Variants in ALDH18A1 observed in about 807,000 individuals in gnomAD.
ALDH18A1 encodes aldehyde dehydrogenase 18 family member A1.
ALDH18A1 carries 44 observed loss-of-function variants against 88.8 expected under a neutral mutation model. That is an observed-to-expected ratio of 0.50 (90% CI 0.39 to 0.64). ALDH18A1 has a LOEUF of 0.64. Ranked by LOEUF, ALDH18A1 falls within the 30% of genes least tolerant of loss-of-function variation. ALDH18A1 has a pLI of 0.00. For missense variants in ALDH18A1, 782 were observed against 1,009.5 expected, an observed-to-expected ratio of 0.77 and a Z score of 3.05; for synonymous variants, 331 against 372.1, an observed-to-expected ratio of 0.89 and a Z score of 1.27.
At chr10:95,609,207 A>T (rs1367876053) in intron 17 of ALDH18A1, among the ~76,000 whole-genome samples, 2 of 152,154 alleles carry the variant, frequency 1.3e-5, no homozygotes, top group African/African-American at 4.8e-5. Flanking sequence ...CCTGAAAACG[A>T]GAGACTGTCC....
In ALDH18A1 at chr10:95,633,558, G is replaced by C; in HGVS notation, c.650C>G (p.Pro217Arg). ...LHELLRMNIV[P>R]IVNTNDAVVP... is the part of the protein sequence containing the mutation. Reference sequence around the variant, plus strand: ...AACAGCATCATTTGTGTTGACAATGGGGACAATGTTCATTCTAAGGAGTTC... The same window carrying C: ...AACAGCATCATTTGTGTTGACAATGCGGACAATGTTCATTCTAAGGAGTTC... Residue 217 changes from proline to arginine, a missense_variant, in exon 6 of 18, where the codon CCC (proline) becomes CGC (arginine). This residue lies in a region of ALDH18A1 where 132 missense variants were observed against 255.5 expected (regional missense o/e 0.52). Coordinates refer to ENST00000371224, the MANE Select transcript of ALDH18A1 (RefSeq NM_002860.4). 2 of 1,614,114 alleles carry C rather than the reference G, an allele frequency of 1.2e-6. No individual in the cohort carries two copies. The highest frequency in any genetic ancestry group is 1.7e-6 in the Non-Finnish European group (2 of 1,180,030).
chr10:95,610,343 C>G, intron 16 of ALDH18A1, 51 bp from the exon 17 acceptor site: 1 of 1,581,590 alleles, frequency 6.3e-7, no homozygotes. Context: ...CAGAGAACAT[C>G]CCTGTTTCCA....
chr10:95,616,704 A>T, intron 12 of ALDH18A1, 90 bp from the exon 13 acceptor site: 1 of 1,485,634 alleles, frequency 6.7e-7, no homozygotes, highest in Non-Finnish European at 9.2e-7. Flanking sequence ...CTTCTGTGCT[A>T]AGCACTGTGT....
intron 11 of ALDH18A1, among the ~76,000 whole-genome samples, chr10:95,623,484 T>C (rs573529300): frequency 3.1e-4 from 47 of 152,240 alleles, no homozygotes; most frequent in African/African-American, 1.1e-3. Context: ...CTCGGCTCAC[T>C]GCAACCTCTG....
At chr10:95,651,856 C>T (rs1007782330) in intron 2 of ALDH18A1, among the ~76,000 whole-genome samples, 2 of 152,134 alleles carry the variant, frequency 1.3e-5, no homozygotes, top group Non-Finnish European at 2.9e-5. Context: ...ACAATCTGAC[C>T]CAGCAACTAC....
chr10:95,637,055 C>G, intron 5 of ALDH18A1, 38 bp downstream of exon 5: 1 of 1,596,028 alleles, frequency 6.3e-7, no homozygotes, highest in South Asian at 1.1e-5. Context: ...CAACCACCCT[C>G]ACAGGTCCCA....
intron 13 of ALDH18A1, 98 bp downstream of exon 13, chr10:95,616,379 T>C (rs2097844205): frequency 1.4e-6 from 2 of 1,477,118 alleles, no homozygotes; most frequent in Non-Finnish European, 1.8e-6. Context: ...CTGCTTGTAG[T>C]AGTGTCTTGG....
rs1215483817 is a variant in ALDH18A1, at chr10:95,606,733, G to A, written c.*29C>T. 2 of 1,614,000 alleles carry A rather than the reference G, an allele frequency of 1.2e-6. No individual in the cohort carries two copies. The highest frequency in any genetic ancestry group is 1.7e-4 in the Middle Eastern group (1 of 6,058). On this transcript the variant is annotated 3_prime_UTR_variant, in exon 18 of 18. Coordinates refer to ENST00000371224, the MANE Select transcript of ALDH18A1 (RefSeq NM_002860.4). ...GACAAGTTTAACGTGAAGACCTTTT[G>A]GAAAATTCCCGGGTTTTCCTGGCTC...
chr10:95,607,508 A>G (rs1463949316), intron 17 of ALDH18A1, among the ~76,000 whole-genome samples: 1 of 151,288 alleles, frequency 6.6e-6, no homozygotes, highest in East Asian at 1.9e-4. Context: ...GGTGTTCTGC[A>G]CTGTATACAG....
intron 17 of ALDH18A1, 55 bp from the exon 18 acceptor site, chr10:95,606,998 C>T: frequency 6.3e-7 from 1 of 1,578,226 alleles, no homozygotes; most frequent in East Asian, 2.2e-5. Flanking sequence ...GCTTCCTGTC[C>T]ATGCCCCAGA....
intron 13 of ALDH18A1, among the ~76,000 whole-genome samples, chr10:95,615,470 T>A (rs753566487): frequency 6.6e-6 from 1 of 152,194 alleles, no homozygotes; most frequent in Admixed American, 6.5e-5. Flanking sequence ...TTCTGTATCT[T>A]GATACGGCTG....
At chr10:95,639,339 T>G (rs946002342) in intron 3 of ALDH18A1, among the ~76,000 whole-genome samples, 4 of 151,468 alleles carry the variant, frequency 2.6e-5, no homozygotes, top group South Asian at 4.2e-4. Flanking sequence ...CTAAAATAAA[T>G]AAAAAGAAAA....
chr10:95,613,629 A>C, intron 15 of ALDH18A1, 113 bp downstream of exon 15: 1 of 1,383,606 alleles, frequency 7.2e-7, no homozygotes, highest in African/African-American at 1.4e-5. Flanking sequence ...TGTACACAGA[A>C]GATATTAAAA....
intron 2 of ALDH18A1, among the ~76,000 whole-genome samples, chr10:95,652,341 G>A (rs1469375544): frequency 6.6e-6 from 1 of 152,202 alleles, no homozygotes; most frequent in African/African-American, 2.4e-5. Flanking sequence ...TGGGTAAAGG[G>A]TATAAGGGAC....
At chr10:95,622,337 A>T (rs1319424518) in intron 11 of ALDH18A1, among the ~76,000 whole-genome samples, 1 of 152,084 alleles carries the variant, frequency 6.6e-6, no homozygotes, top group Non-Finnish European at 1.5e-5. Flanking sequence ...AGCTAGGACT[A>T]CAGGCACGTA....
In ALDH18A1 at chr10:95,606,940, G is replaced by C; in HGVS notation, c.2210C>G (p.Ala737Gly). The change falls in exon 18 of 18, where the codon GCT becomes GGT. Residue 737 changes from alanine to glycine, a missense_variant. Around this residue, in one of 3 missense-constraint regions of ALDH18A1, gnomAD observed 556 missense variants for 654.5 expected, o/e 0.85. Transcript: ENST00000371224. Reference sequence around the variant, plus strand: ...TCTCGATGTACTGATTCCCACTTCAGCTCCTGTGAAAAAGCATGAATAAAA... The same window carrying C: ...TCTCGATGTACTGATTCCCACTTCACCTCCTGTGAAAAAGCATGAATAAAA... Reference protein sequence around the residue: ...FSDGYRFGLGAEVGISTSRIH... With the variant: ...FSDGYRFGLGGEVGISTSRIH... 1 of 1,613,900 alleles carries C rather than the reference G, an allele frequency of 6.2e-7. No homozygotes were observed. Among genetic ancestry groups the C allele is most frequent in the Non-Finnish European group, 8.5e-7 (1 of 1,179,926 alleles).
chr10:95,611,299 G>A lies in ALDH18A1; in HGVS notation c.2067C>T (p.His689=), dbSNP rs1399082693. The change falls in exon 16 of 18, where the codon CAC becomes CAT. Residue 689 remains histidine, a synonymous_variant. Coordinates refer to ENST00000371224, the MANE Select transcript of ALDH18A1 (RefSeq NM_002860.4). ...DNVQDAIDHI[H]KYGSSHTDVI... The stretch of plus-strand genomic sequence containing the variant: ...CATCCGTGTGGGAGCTGCCATACTT[G>A]TGGATGTGGTCAATGGCATCCTGAA... 1 of 1,614,082 alleles carries A rather than the reference G, an allele frequency of 6.2e-7. No individual in the cohort carries two copies. The highest frequency in any genetic ancestry group is 8.5e-7 in the Non-Finnish European group (1 of 1,180,042).
intron 5 of ALDH18A1, among the ~76,000 whole-genome samples, chr10:95,634,966 G>T (rs2097877866): frequency 6.6e-6 from 1 of 152,060 alleles, no homozygotes; most frequent in South Asian, 2.1e-4. Context: ...GATGGTTAAG[G>T]GTCTGGCTAT....
rs1474543575 is a variant in ALDH18A1 at position 95,643,072 on chromosome 10, C to T, written c.223G>A (p.Val75Met). ...SELKHAKRIV[V>M]KLGSAVVTRG... ...GTCACCACGGCACTGCCGAGCTTCACCACGATTCTCTTGGCATGCTTCAGC... is the reference window on the plus strand; with the variant it reads ...GTCACCACGGCACTGCCGAGCTTCATCACGATTCTCTTGGCATGCTTCAGC... The change falls in exon 3 of 18, where the codon GTG becomes ATG. Residue 75 changes from valine (V) to methionine (M), a missense_variant. Transcript: ENST00000371224. The T allele has an allele frequency of 6.2e-7, 1 of 1,614,160 alleles. No individual in the cohort carries two copies. The highest frequency in any genetic ancestry group is 1.3e-5 in the African/African-American group (1 of 75,056).
Sources: gnomAD v4.1 joint callset for allele counts (sites outside exome capture counted in the v4.1 genomes callset) on GRCh38, gnomAD v4.1.1 for gene constraint, gnomAD v4.1.1 regional missense constraint, MANE v1.5 for transcripts, NCBI Gene and HGNC (gene_info 2026-07-23, HGNC 2026-07-21) for gene names.